CLCN4: variants seen among roughly 807,000 people sequenced by gnomAD.
The protein encoded by CLCN4 is H(+)/Cl(-) exchange transporter 4.
In CLCN4, 1 loss-of-function variant was observed where a neutral mutation model predicts 41.7. The ratio of observed to expected loss-of-function variants is 0.02; its 90% CI spans 0.01 to 0.11. The LOEUF (loss-of-function observed/expected upper bound fraction) is 0.11. CLCN4 is among the 10% of genes least tolerant of loss of function. The pLI, the probability that CLCN4 is intolerant of heterozygous loss-of-function variation, is 1.00. For missense variants in CLCN4, 287 were observed against 661.0 expected, an observed-to-expected ratio of 0.43 and a Z score of 6.20; for synonymous variants, 277 against 285.8, an observed-to-expected ratio of 0.97 and a Z score of 0.31.
chrX:10,233,472 C>T (rs750269020), intron 12 of CLCN4, 22 bp from the exon 13 acceptor site: 1 of 1,152,113 alleles, frequency 8.7e-7, no homozygotes, highest in African/African-American at 1.8e-5. Context: ...GACCTCTTTT[C>T]TCTATTTTGT....
At chrX:10,190,289 T>C (rs776832832) in intron 4 of CLCN4, among the ~76,000 whole-genome samples, 2 of 111,947 alleles carry the variant, frequency 1.8e-5, no homozygotes, top group South Asian at 3.7e-4. Context: ...TAATTGTGGT[T>C]TTTGCCATTA....
chrX:10,201,097 T>C (rs1924227384), intron 6 of CLCN4, among the ~76,000 whole-genome samples: 1 of 111,988 alleles, frequency 8.9e-6, no homozygotes, highest in African/African-American at 3.3e-5. Flanking sequence ...GAAAGTATGA[T>C]TGATAGAACG....
In CLCN4 at chrX:10,236,705, A is replaced by C. The variant is rs1354487632; in HGVS notation, c.*3121A>C. ...AGCATGGGGACGTGGAGGTGAAATA[A>C]GCATCTTTCAGAATAAGGTTTTTTT... On this transcript the variant is annotated 3_prime_UTR_variant, in exon 13 of 13. Transcript: ENST00000380833. The C allele has an allele frequency of 1.8e-5, 2 of 111,376 alleles. No individual in the cohort carries two copies. Among genetic ancestry groups the C allele is most frequent in the Non-Finnish European group, 3.8e-5 (2 of 53,084 alleles). The allele number at this position is 111,376 out of a possible 1,213,427, so 9.2% of individuals were successfully genotyped here.
intron 5 of CLCN4, among the ~76,000 whole-genome samples, chrX:10,196,538 C>CTTTTTTTTTTT (rs141362799): frequency 7.4e-5 from 6 of 80,898 alleles, no homozygotes; most frequent in African/African-American, 2.5e-4. Flanking sequence ...CCCTTCCCCA[C>CTTTTTTTTTTT]TTTTTTTTTT....
At chrX:10,166,475 G>A (rs1176642779) in intron 2 of CLCN4, among the ~76,000 whole-genome samples, 3 of 111,270 alleles carry the variant, frequency 2.7e-5, no homozygotes, top group East Asian at 5.7e-4. Flanking sequence ...GAGAAACGTG[G>A]CCCCCAGTGC....
At chrX:10,215,927 G>T in intron 11 of CLCN4, among the ~76,000 whole-genome samples, 1 of 112,261 alleles carries the variant, frequency 8.9e-6, no homozygotes, top group Non-Finnish European at 1.9e-5. Flanking sequence ...TATTTACATG[G>T]TTTGTGCAGA....
At chrX:10,164,135 G>A (rs547633622) in intron 2 of CLCN4, among the ~76,000 whole-genome samples, 3 of 112,163 alleles carry the variant, frequency 2.7e-5, no homozygotes, top group South Asian at 7.4e-4. Context: ...GACTCCAAAC[G>A]CTGGTCAGGG....
chrX:10,228,863 G>T (rs1163287071), intron 12 of CLCN4, among the ~76,000 whole-genome samples: 1 of 111,395 alleles, frequency 9.0e-6, no homozygotes, highest in African/African-American at 3.3e-5. Context: ...TCTGGATGGT[G>T]GTTCTCAACC....
In CLCN4 at chrX:10,212,377, G is replaced by C. The variant is rs922267024; in HGVS notation, c.1390-90G>C. On this transcript the variant is annotated intron_variant, in intron 9 of 12. Coordinates refer to ENST00000380833, the MANE Select transcript of CLCN4 (RefSeq NM_001830.4). ...CTCTGAAGACTGAAGCTAAATGCAAGCCCGTCGAGGGGGAATGTGTTTCTT... is the reference window on the plus strand; with the variant it reads ...CTCTGAAGACTGAAGCTAAATGCAACCCCGTCGAGGGGGAATGTGTTTCTT... 27 of 912,268 alleles carry C rather than the reference G, an allele frequency of 3.0e-5. 2 individuals are homozygous for C. The Admixed American group carries it at 4.5e-4, about 15-fold the overall frequency. The allele number at this position is 912,268 out of a possible 1,213,427, so 75.2% of individuals were successfully genotyped here. A position where few individuals can be genotyped will look rare whatever the true frequency, so the allele number is the denominator to read the frequency against.
intron 11 of CLCN4, among the ~76,000 whole-genome samples, chrX:10,216,275 T>A (rs995773718): frequency 1.8e-5 from 2 of 112,337 alleles, no homozygotes; most frequent in African/African-American, 6.5e-5. Flanking sequence ...TTTTGTTATG[T>A]TTTGGAATGC....
intron 2 of CLCN4, among the ~76,000 whole-genome samples, chrX:10,175,578 A>T (rs1486836236): frequency 9.0e-6 from 1 of 111,461 alleles, no homozygotes; most frequent in East Asian, 2.8e-4. Context: ...GAAGCTTTTG[A>T]GATGTTTATT....
intron 4 of CLCN4, among the ~76,000 whole-genome samples, chrX:10,193,080 C>A (rs912759410): frequency 8.9e-6 from 1 of 112,040 alleles, no homozygotes; most frequent in Non-Finnish European, 1.9e-5. Context: ...TGTTCTTTGA[C>A]AATGCCCATT....
At position 10,198,040 on chromosome X, in the gene CLCN4, C is replaced by T. The variant is rs985014466; in HGVS notation, c.534C>T (p.Ala178=). Residue 178 remains alanine (A), a synonymous_variant, in exon 6 of 13, where the codon GCC becomes GCT. Transcript: ENST00000380833. ...VSLVRVFAPY[A]CGSGIPEIKT... ...TGGTGCGTGTATTTGCACCATATGC[C>T]TGTGGCTCTGGCATACCAGAGGTGA... 3 of 1,208,750 alleles carry T rather than the reference C, an allele frequency of 2.5e-6. No individual in the cohort carries two copies. The African/African-American group carries it at 5.3e-5, about 21-fold the overall frequency.
rs781339807 is a variant in CLCN4 at position 10,220,045 on chromosome X, C to T, written c.1976-616C>T. 7.2e-5 allele frequency among the ~76,000 whole-genome samples: 8 copies of T among 111,408 alleles called. No homozygotes were observed. In the South Asian group the frequency reaches 3.0e-3, roughly 42 times the overall value. ...TTTCTTTGAGGGATCCACAAAATGGCCCATTTTTAAGACAGGAGATCCGAA... is the reference window on the plus strand; with the variant it reads ...TTTCTTTGAGGGATCCACAAAATGGTCCATTTTTAAGACAGGAGATCCGAA... On this transcript the variant is annotated intron_variant, in intron 11 of 12. Transcript: ENST00000380833.
chrX:10,205,170 C>G (rs1924345524), intron 6 of CLCN4, among the ~76,000 whole-genome samples: 1 of 111,248 alleles, frequency 9.0e-6, no homozygotes, highest in Non-Finnish European at 1.9e-5. Flanking sequence ...AATTTCATCT[C>G]CAGCTTTTAA....
At chrX:10,192,966 T>C (rs1488655647) in intron 4 of CLCN4, among the ~76,000 whole-genome samples, 2 of 111,956 alleles carry the variant, frequency 1.8e-5, no homozygotes, top group Admixed American at 9.4e-5. Context: ...CCTCTCCCAG[T>C]TGGGACGAAG....
At chrX:10,157,714 A>T (rs1922987988) in intron 1 of CLCN4, among the ~76,000 whole-genome samples, 1 of 112,819 alleles carries the variant, frequency 8.9e-6, no homozygotes, top group Non-Finnish European at 1.9e-5. Flanking sequence ...ACTTCTTCAG[A>T]ATGTGATAAA....
rs1004836184 is a variant in CLCN4, at chrX:10,235,390, C to T, written c.*1806C>T. 2 of 112,120 alleles carry T rather than the reference C, an allele frequency of 1.8e-5. No homozygotes were observed. Among genetic ancestry groups the T allele is most frequent in the Non-Finnish European group, 3.8e-5 (2 of 53,216 alleles). 9.2% of individuals were successfully genotyped at this position (112,120 alleles called of 1,213,427 possible). ...GGGAAGGAAAATATTGAGCTAGGCA[C>T]ATTACTCTCTGAACGAAATTCATAT... On this transcript the variant is annotated 3_prime_UTR_variant, in exon 13 of 13. Coordinates refer to ENST00000380833, the MANE Select transcript of CLCN4 (RefSeq NM_001830.4).
In CLCN4 at chrX:10,234,581, C is replaced by T. The variant is rs151240341; in HGVS notation, c.*997C>T. 5.4e-3 allele frequency: 604 copies of T among 112,694 alleles called. 1 individual carries two copies. The highest frequency in any genetic ancestry group is 8.7e-3 in the Non-Finnish European group (462 of 53,277). The allele number at this position is 112,694 out of a possible 1,213,427, so 9.3% of individuals were successfully genotyped here. A position where few individuals can be genotyped will look rare whatever the true frequency, so the allele number is the denominator to read the frequency against. ...TTTTCCTCTCAGGTCTTATCAGATA[C>T]GGCTGTGGAGAGGATGAGGCATATG... On this transcript the variant is annotated 3_prime_UTR_variant, in exon 13 of 13. Transcript: ENST00000380833.
Sources: gnomAD v4.1 joint callset for allele counts (sites outside exome capture counted in the v4.1 genomes callset) on GRCh38, gnomAD v4.1.1 for gene constraint, MANE v1.5 for transcripts, NCBI Gene and HGNC (gene_info 2026-07-23, HGNC 2026-07-21) for gene names.